ADIPOR2: variants seen among roughly 807,000 people sequenced by gnomAD.
The protein encoded by ADIPOR2 is adiponectin receptor protein 2.
Under a neutral mutation model 40.9 loss-of-function variants are expected in ADIPOR2, and 18 were observed. That is an observed-to-expected ratio of 0.44 (90% CI 0.30 to 0.65). The LOEUF (loss-of-function observed/expected upper bound fraction) is 0.65, where lower values mean the gene tolerates loss of function less well. Ranked by LOEUF, ADIPOR2 falls within the 30% of genes least tolerant of loss-of-function variation. ADIPOR2 has a pLI of 0.09. For synonymous variants in ADIPOR2, 165 were observed against 166.4 expected (o/e 0.99, Z 0.06); for missense variants, 283 against 479.2 (o/e 0.59, Z 3.82).
chr12:1,719,935 C>T (rs1353270374), intron 1 of ADIPOR2, among the ~76,000 whole-genome samples: 12 of 152,082 alleles, frequency 7.9e-5, no homozygotes, highest in Admixed American at 7.9e-4. Flanking sequence ...CCCCGGCCTC[C>T]CAAAGTGTTG....
At chr12:1,691,780 A>G (rs1194099773) in intron 1 of ADIPOR2, among the ~76,000 whole-genome samples, 5 of 152,112 alleles carry the variant, frequency 3.3e-5, no homozygotes, top group Non-Finnish European at 7.4e-5. Context: ...ATTACCGATG[A>G]CAGGGTTATA....
intron 2 of ADIPOR2, among the ~76,000 whole-genome samples, 189 bp downstream of exon 2, chr12:1,754,703 T>TACC (rs1329709003): frequency 1.3e-4 from 7 of 54,806 alleles, no homozygotes; most frequent in African/African-American, 3.6e-4. Flanking sequence ...TTATTATTAC[T>TACC]ACTACTACTA....
chr12:1,735,559 C>T (rs947649863), intron 1 of ADIPOR2, among the ~76,000 whole-genome samples: 7 of 152,200 alleles, frequency 4.6e-5, no homozygotes, highest in African/African-American at 1.7e-4. Flanking sequence ...AGTTTGACTT[C>T]TTCTTTTCCT....
intron 2 of ADIPOR2, among the ~76,000 whole-genome samples, chr12:1,756,336 A>G (rs923402385): frequency 1.3e-5 from 2 of 151,856 alleles, no homozygotes; most frequent in Non-Finnish European, 2.9e-5. Flanking sequence ...TTTTTAGTAG[A>G]GACGGGGTTT....
At chr12:1,697,258 T>C (rs2094641136) in intron 1 of ADIPOR2, 1 of 152,254 alleles carries the variant, frequency 6.6e-6, no homozygotes, top group East Asian at 1.9e-4. Flanking sequence ...TTTTCTTCTT[T>C]TGTTTCCTGG....
chr12:1,765,172 A>G (rs1862351531), intron 2 of ADIPOR2, among the ~76,000 whole-genome samples: 1 of 152,182 alleles, frequency 6.6e-6, no homozygotes, highest in African/African-American at 2.4e-5. Context: ...AAAATACATG[A>G]TAGAAATTGG....
intron 1 of ADIPOR2, among the ~76,000 whole-genome samples, chr12:1,705,232 A>T (rs1420569809): frequency 3.3e-5 from 5 of 152,214 alleles, no homozygotes; most frequent in African/African-American, 4.8e-5. Flanking sequence ...ATGTGGTATT[A>T]TAGTACAGAT....
chr12:1,737,068 A>G (rs1385279227), intron 1 of ADIPOR2, among the ~76,000 whole-genome samples: 1 of 152,244 alleles, frequency 6.6e-6, no homozygotes, highest in East Asian at 1.9e-4. Context: ...AACCTGCACA[A>G]ACTGTGAGCC....
chr12:1,758,158 G>T, intron 2 of ADIPOR2: 1 of 422,786 alleles, frequency 2.4e-6, no homozygotes, highest in Non-Finnish European at 4.2e-6. Context: ...TGGTTGAAGT[G>T]GTATCTTCTG....
chr12:1,787,460 A>G lies in ADIPOR2; in HGVS notation c.*1388A>G, dbSNP rs1391917843. ...GGATAAGAGTGGTGTGGCATTTTAA[A>G]TACAATGGTATGTTATTGCCAGGGA... On this transcript the variant is annotated 3_prime_UTR_variant, in exon 8 of 8. Transcript: ENST00000357103. 1 of 152,230 alleles carries G rather than the reference A, an allele frequency of 6.6e-6. No homozygotes were observed. Among genetic ancestry groups the G allele is most frequent in the Non-Finnish European group, 1.5e-5 (1 of 68,046 alleles). 9.4% of individuals were successfully genotyped at this position (152,230 alleles called of 1,614,324 possible). A position where few individuals can be genotyped will look rare whatever the true frequency, so the allele number is the denominator to read the frequency against.
chr12:1,726,762 T>C (rs1455144791), intron 1 of ADIPOR2, among the ~76,000 whole-genome samples: 1 of 152,208 alleles, frequency 6.6e-6, no homozygotes, highest in Admixed American at 6.5e-5. Flanking sequence ...AAGTTCATTC[T>C]GTTTCCTGAG....
chr12:1,752,338 A>T (rs1443613436), intron 1 of ADIPOR2, among the ~76,000 whole-genome samples: 1 of 148,204 alleles, frequency 6.7e-6, no homozygotes, highest in African/African-American at 2.5e-5. Context: ...GGCTCAAGTA[A>T]TCCTCTCACC....
intron 2 of ADIPOR2, among the ~76,000 whole-genome samples, chr12:1,767,567 C>G (rs1168957180): frequency 1.3e-5 from 2 of 152,090 alleles, no homozygotes; most frequent in South Asian, 4.2e-4. Context: ...AATGCCCTTG[C>G]TACACATTTC....
At chr12:1,742,075 A>G (rs1415942841) in intron 1 of ADIPOR2, among the ~76,000 whole-genome samples, 1 of 150,972 alleles carries the variant, frequency 6.6e-6, no homozygotes, top group Non-Finnish European at 1.5e-5. Context: ...TGTGAGAGCC[A>G]GGGTCTGTTT....
intron 1 of ADIPOR2, among the ~76,000 whole-genome samples, chr12:1,734,332 G>A (rs2094726227): frequency 6.6e-6 from 1 of 152,084 alleles, no homozygotes. Flanking sequence ...ATCTCATTGT[G>A]GTTTTGATTT....
Position 1,784,046 on chromosome 12 carries a change from CT to C in ADIPOR2, c.1010del (p.Phe337SerfsTer39), listed in dbSNP as rs1356474508. On this transcript the variant is annotated frameshift_variant, in exon 7 of 8. Coordinates refer to ENST00000357103, the MANE Select transcript of ADIPOR2 (RefSeq NM_024551.3). LOFTEE classifies it high-confidence loss of function. ...ALYAARIPER[F>X]FPGKCDIWFH... Reference sequence around the variant, plus strand: ...TGTATGCTGCCCGGATCCCCGAACGCTTTTTCCCTGGCAAATGTGACATCTG... The same window carrying C: ...TGTATGCTGCCCGGATCCCCGAACGCTTTTCCCTGGCAAATGTGACATCTG... 4.4e-6 allele frequency: 7 copies of C among 1,600,458 alleles called. No homozygotes were observed. Among genetic ancestry groups the C allele is most frequent in the East Asian group, 2.3e-5 (1 of 44,402 alleles).
At chr12:1,782,976 CTTTTTTTTT>C (rs71055199) in intron 6 of ADIPOR2, among the ~76,000 whole-genome samples, 8 of 109,754 alleles carry the variant, frequency 7.3e-5, no homozygotes, top group South Asian at 3.1e-4. Context: ...TTCTTTCTTT[CTTTTTTTTT>C]TTTTTTTTTT....
intron 3 of ADIPOR2, among the ~76,000 whole-genome samples, chr12:1,775,084 C>T (rs1445448734): frequency 5.9e-5 from 9 of 151,948 alleles, no homozygotes; most frequent in African/African-American, 2.2e-4. Flanking sequence ...GATCTGCCCG[C>T]CTCGGCCTCC....
At position 1,780,437 on chromosome 12, in the gene ADIPOR2, G is replaced by A; in HGVS notation, c.464-14G>A. 6.3e-7 allele frequency: 1 copy of A among 1,581,778 alleles called. No individual in the cohort carries two copies. ...GGGTGATATTTTATCTATTTTCTGT[G>A]CTCTTTTTCCTAGGTTGTGTATTCT... On this transcript the variant is annotated splice_polypyrimidine_tract_variant and intron_variant, in intron 4 of 7. Coordinates refer to ENST00000357103, the MANE Select transcript of ADIPOR2 (RefSeq NM_024551.3).
Sources: gnomAD v4.1 joint callset for allele counts (sites outside exome capture counted in the v4.1 genomes callset) on GRCh38, gnomAD v4.1.1 for gene constraint, MANE v1.5 for transcripts, NCBI Gene and HGNC (gene_info 2026-07-23, HGNC 2026-07-21) for gene names.